Variants in COL23A1 observed in about 807,000 individuals in gnomAD.
COL23A1 encodes collagen type XXIII alpha 1 chain, also known as collagen alpha-1(XXIII) chain.
In COL23A1, 97 loss-of-function variants were observed where a neutral mutation model predicts 99.3. The ratio of observed to expected loss-of-function variants is 0.98; its 90% CI spans 0.83 to 1.16. The LOEUF (loss-of-function observed/expected upper bound fraction) is 1.16, where lower values mean the gene tolerates loss of function less well. Among genes scored for constraint, COL23A1 ranks in the 50% most tolerant of loss-of-function variants. COL23A1 has a pLI of 0.00. For synonymous variants in COL23A1, 320 were observed against 308.2 expected (o/e 1.04, Z -0.40); for missense variants, 762 against 757.4 (o/e 1.01, Z -0.07).
chr5:178,277,789 C>T (rs916368332), intron 5 of COL23A1, among the ~76,000 whole-genome samples: 3 of 152,190 alleles, frequency 2.0e-5, no homozygotes, highest in African/African-American at 7.2e-5. Context: ...CCCAAAAATA[C>T]CTGCTGAAAT....
rs553518919 is a variant in COL23A1 at position 178,414,858 on chromosome 5, C to A, written c.362-107939G>T. On this transcript the variant is annotated intron_variant, in intron 2 of 28. Transcript: ENST00000390654. The stretch of plus-strand genomic sequence containing the variant: ...CAGCTAAGGCAGCCACATCCCACAG[C>A]CCTGCTTGAAGGCAAAGCAAGACCA... 2.0e-5 allele frequency among the ~76,000 whole-genome samples: 3 copies of A among 152,266 alleles called. No individual in the cohort carries two copies. In the South Asian group the frequency reaches 6.2e-4, roughly 32 times the overall value.
At chr5:178,426,041 C>A (rs1230742111) in intron 2 of COL23A1, among the ~76,000 whole-genome samples, 1 of 152,146 alleles carries the variant, frequency 6.6e-6, no homozygotes, top group Non-Finnish European at 1.5e-5. Flanking sequence ...GGGGGGCAAC[C>A]AAAGGGGCTC....
intron 2 of COL23A1, among the ~76,000 whole-genome samples, chr5:178,481,460 A>G (rs1375198020): frequency 6.6e-6 from 1 of 152,186 alleles, no homozygotes; most frequent in African/African-American, 2.4e-5. Context: ...TGCAAGTCAT[A>G]TATCTGATAA....
chr5:178,553,982 CA>C (rs1255457175), intron 2 of COL23A1, among the ~76,000 whole-genome samples: 1 of 152,160 alleles, frequency 6.6e-6, no homozygotes, highest in Non-Finnish European at 1.5e-5. Context: ...ATTTGATCCT[CA>C]AAACCATCCC....
At chr5:178,363,068 A>ATTTTG (rs1265778032) in intron 2 of COL23A1, among the ~76,000 whole-genome samples, 2 of 145,020 alleles carry the variant, frequency 1.4e-5, no homozygotes, top group African/African-American at 5.1e-5. Context: ...AACCCCACAT[A>ATTTTG]TTTTGTTTTG....
At chr5:178,262,115 T>A in intron 10 of COL23A1, 102 bp downstream of exon 10, 1 of 1,261,494 alleles carries the variant, frequency 7.9e-7, no homozygotes, top group Non-Finnish European at 1.1e-6. Context: ...CACATAAACA[T>A]GTGCGCGTGA....
At chr5:178,533,163 G>A (rs1171476523) in intron 2 of COL23A1, among the ~76,000 whole-genome samples, 4 of 152,202 alleles carry the variant, frequency 2.6e-5, no homozygotes, top group Non-Finnish European at 4.4e-5. Flanking sequence ...CTCTGAGGCT[G>A]TACAGATGAA....
At chr5:178,323,799 G>C (rs1305887254) in intron 2 of COL23A1, among the ~76,000 whole-genome samples, 1 of 152,190 alleles carries the variant, frequency 6.6e-6, no homozygotes, top group African/African-American at 2.4e-5. Flanking sequence ...GTGCTGGGCT[G>C]TCCAGATGTC....
chr5:178,338,090 G>T (rs926736502), intron 2 of COL23A1, among the ~76,000 whole-genome samples: 1 of 152,124 alleles, frequency 6.6e-6, no homozygotes, highest in Admixed American at 6.5e-5. Context: ...GGGAGTCTTG[G>T]GAGTATGGGC....
At chr5:178,422,350 C>G (rs1395336392) in intron 2 of COL23A1, among the ~76,000 whole-genome samples, 2 of 152,200 alleles carry the variant, frequency 1.3e-5, no homozygotes, top group Non-Finnish European at 1.5e-5. Flanking sequence ...GCCACTCTGA[C>G]TGGCTCTTCT....
chr5:178,450,564 T>C (rs1226676265), intron 2 of COL23A1, among the ~76,000 whole-genome samples: 2 of 152,188 alleles, frequency 1.3e-5, no homozygotes, highest in African/African-American at 4.8e-5. Context: ...GTGTCTGTGC[T>C]GTTACGAAAG....
At chr5:178,475,401 T>C (rs991258519) in intron 2 of COL23A1, among the ~76,000 whole-genome samples, 4 of 152,026 alleles carry the variant, frequency 2.6e-5, no homozygotes, top group African/African-American at 9.7e-5. Context: ...GAATGAGCCA[T>C]GGGGACATTT....
chr5:178,521,034 G>A (rs965886327), intron 2 of COL23A1, among the ~76,000 whole-genome samples: 3 of 152,194 alleles, frequency 2.0e-5, no homozygotes, highest in Non-Finnish European at 4.4e-5. Context: ...ACTGGGCTAC[G>A]TGGTGTAGCC....
At chr5:178,505,193 T>C (rs1372889221) in intron 2 of COL23A1, among the ~76,000 whole-genome samples, 1 of 152,000 alleles carries the variant, frequency 6.6e-6, no homozygotes, top group African/African-American at 2.4e-5. Flanking sequence ...GCTTACCCCA[T>C]CTCCACCTTC....
chr5:178,556,861 G>C (rs533628179), intron 2 of COL23A1, among the ~76,000 whole-genome samples: 3 of 151,856 alleles, frequency 2.0e-5, no homozygotes, highest in Non-Finnish European at 4.4e-5. Flanking sequence ...GCTGAGGCAG[G>C]AGAATCGCTT....
chr5:178,436,476 C>T (rs1021843662), intron 2 of COL23A1, among the ~76,000 whole-genome samples: 1 of 152,092 alleles, frequency 6.6e-6, no homozygotes, highest in Admixed American at 6.6e-5. Context: ...GGGTGGGGTA[C>T]GTTTCAAAGG....
intron 2 of COL23A1, among the ~76,000 whole-genome samples, chr5:178,323,014 T>C (rs886924241): frequency 2.0e-5 from 3 of 152,052 alleles, no homozygotes; most frequent in Non-Finnish European, 4.4e-5. Flanking sequence ...GAAACTTGGC[T>C]CTTTCGGAGG....
chr5:178,479,799 G>A (rs1310154414), intron 2 of COL23A1, among the ~76,000 whole-genome samples: 1 of 152,204 alleles, frequency 6.6e-6, no homozygotes, highest in South Asian at 2.1e-4. Flanking sequence ...TTAAAATATA[G>A]TCATGCCTCT....
At chr5:178,425,064 T>A (rs1765837489) in intron 2 of COL23A1, among the ~76,000 whole-genome samples, 1 of 152,168 alleles carries the variant, frequency 6.6e-6, no homozygotes, top group African/African-American at 2.4e-5. Flanking sequence ...CTCTGTAAGA[T>A]GGAGACAACG....
Sources: allele counts gnomAD v4.1 joint callset (sites outside exome capture counted in the v4.1 genomes callset), GRCh38; gene constraint gnomAD v4.1.1; transcripts MANE v1.5; gene names NCBI Gene and HGNC (gene_info 2026-07-23, HGNC 2026-07-21).